MYO1H: variants seen among roughly 807,000 people sequenced by gnomAD.
The protein encoded by MYO1H is myosin IH.
Under a neutral mutation model 149.3 loss-of-function variants are expected in MYO1H, and 118 were observed. The observed-to-expected ratio is 0.79, with a 90% CI of 0.68 to 0.92. The LOEUF (loss-of-function observed/expected upper bound fraction) is 0.92. MYO1H is among the 40% of genes least tolerant of loss of function. The pLI, the probability that MYO1H is intolerant of heterozygous loss-of-function variation, is 0.00. For missense variants in MYO1H, 1,212 were observed against 1,280.7 expected, an observed-to-expected ratio of 0.95 and a Z score of 0.82; for synonymous variants, 447 against 465.2, an observed-to-expected ratio of 0.96 and a Z score of 0.50.
At chr12:109,344,679 A>G (rs1592774721), upstream of MYO1H, among the ~76,000 whole-genome samples, 1 of 152,202 alleles carries the variant, frequency 6.6e-6, no homozygotes, top group Non-Finnish European at 1.5e-5. Context: ...GGCCAAAACT[A>G]TCTTTAAAAA....
rs377712669 is a variant in MYO1H, at chr12:109,441,649, G to C, written c.2573G>C (p.Arg858Thr). ...AAGGTAGTTACAAGTGAAATCTTCA[G>C]GGGAAGGAAAGACGGCTACACAGAA... Residue 858 changes from arginine to threonine, a missense_variant, in exon 26 of 32, where the codon AGG (arginine) becomes ACG (threonine). Arg to Thr is a moderately conservative substitution (Grantham distance 71). Transcript: ENST00000310903. 91 of 1,613,092 alleles carry C rather than the reference G, an allele frequency of 5.6e-5. No homozygotes were observed. Among genetic ancestry groups the C allele is most frequent in the Non-Finnish European group, 7.3e-5 (86 of 1,179,580 alleles).
At chr12:109,312,762 T>C in the MYO1H span, among the ~76,000 whole-genome samples, 1 of 146,340 alleles carries the variant, frequency 6.8e-6, no homozygotes, top group Non-Finnish European at 1.5e-5. Flanking sequence ...ATACCAAGGT[T>C]TTTTTTGTTT....
chr12:109,433,230 C>T (rs540180022), intron 20 of MYO1H, among the ~76,000 whole-genome samples: 19 of 152,272 alleles, frequency 1.2e-4, no homozygotes, highest in South Asian at 2.1e-4. Flanking sequence ...AGGAAACTTC[C>T]GCACTAAACT....
At chr12:109,346,501 C>G (rs1232593898), upstream of MYO1H, among the ~76,000 whole-genome samples, 1 of 152,214 alleles carries the variant, frequency 6.6e-6, no homozygotes, top group African/African-American at 2.4e-5. Context: ...TGGCCCACAC[C>G]TGTAATTCCA....
intron 1 of MYO1H, among the ~76,000 whole-genome samples, chr12:109,382,258 A>G (rs570396408): frequency 6.6e-6 from 1 of 152,260 alleles, no homozygotes; most frequent in African/African-American, 2.4e-5. Flanking sequence ...CTCTAATTCA[A>G]ACAACCAGTT....
At chr12:109,416,376 T>G (rs1311221628) in intron 15 of MYO1H, among the ~76,000 whole-genome samples, 3 of 126,174 alleles carry the variant, frequency 2.4e-5, no homozygotes, top group Admixed American at 1.8e-4. Context: ...ACTGTTGTTG[T>G]TGGTTTTTTT....
chr12:109,417,026 C>T (rs1040727453), intron 15 of MYO1H, among the ~76,000 whole-genome samples: 8 of 151,232 alleles, frequency 5.3e-5, no homozygotes, highest in Admixed American at 2.0e-4. Context: ...AAAAAATTAG[C>T]CGGTCGTGGT....
intron 6 of MYO1H, 66 bp from the exon 7 acceptor site, chr12:109,403,916 A>T: frequency 9.4e-7 from 1 of 1,063,402 alleles, no homozygotes. Flanking sequence ...ATCTTCAGAG[A>T]GGAATAGACA....
the MYO1H span, among the ~76,000 whole-genome samples, chr12:109,341,655 A>G: frequency 6.6e-6 from 1 of 152,180 alleles, no homozygotes; most frequent in Non-Finnish European, 1.5e-5. Context: ...CCAGAAGCAG[A>G]GCATCCTCTG....
exon 5 of MYO1H, chr12:109,397,746 C>T: frequency 6.2e-7 from 1 of 1,611,308 alleles, no homozygotes. Context: ...TTGGAAATGC[C>T]AGAACGCTCC....
rs1238072439 is a variant in MYO1H at position 109,435,131 on chromosome 12, G to C, written c.2140+18G>C. On this transcript the variant is annotated intron_variant, in intron 21 of 31. Transcript: ENST00000310903. ...TCAACTAGGTATGATTTCTTTTTCT[G>C]TCCCGATTTCAATAGAATATGAAAT... 6.5e-7 allele frequency: 1 copy of C among 1,527,014 alleles called. No individual in the cohort carries two copies. Among genetic ancestry groups the C allele is most frequent in the Non-Finnish European group, 9.0e-7 (1 of 1,111,016 alleles). The allele number at this position is 1,527,014 out of a possible 1,614,324, so 94.6% of individuals were successfully genotyped here. A position where few individuals can be genotyped will look rare whatever the true frequency, so the allele number is the denominator to read the frequency against.
Position 109,443,720 on chromosome 12 carries a change from T to TGAAAG in MYO1H, c.2824+71_2824+72insGAAAG. 8 of 1,566,066 alleles carry TGAAAG rather than the reference T, an allele frequency of 5.1e-6. No individual in the cohort carries two copies. In the Middle Eastern group the frequency reaches 8.4e-4, roughly 165 times the overall value. ...CTACTGGAAAGCCCAGTAATGAAGC[T>TGAAAG]CCCAAATGGGAAACACAAGTGTAGG... is the stretch of plus-strand genomic sequence containing the variant. On this transcript the variant is annotated intron_variant, in intron 28 of 31. Transcript: ENST00000310903.
At chr12:109,428,000 C>T (rs1331826467) in intron 19 of MYO1H, among the ~76,000 whole-genome samples, 1 of 135,862 alleles carries the variant, frequency 7.4e-6, no homozygotes, top group East Asian at 2.2e-4. Context: ...GTGGGAGGAT[C>T]ACCTGAGCCT....
At chr12:109,312,790 GTTTTTTT>G in the MYO1H span, among the ~76,000 whole-genome samples, 1 of 145,594 alleles carries the variant, frequency 6.9e-6, no homozygotes, top group African/African-American at 2.5e-5. Context: ...GTTTTGTTTT[GTTTTTTT>G]TTTTTTTAAC....
At chr12:109,439,922 T>C in intron 24 of MYO1H, 132 bp downstream of exon 24, 3 of 785,552 alleles carry the variant, frequency 3.8e-6, no homozygotes, top group Non-Finnish European at 6.1e-6. Flanking sequence ...TTCCCAAGGA[T>C]GCTGCACAAG....
intron 1 of MYO1H, among the ~76,000 whole-genome samples, chr12:109,352,372 C>T (rs1195304631): frequency 6.6e-6 from 1 of 152,164 alleles, no homozygotes; most frequent in African/African-American, 2.4e-5. Flanking sequence ...TCACCTCCCA[C>T]TCTCCACCTC....
Position 109,347,992 on chromosome 12 carries a change from A to G in MYO1H, c.12+20A>G. 2.5e-6 allele frequency: 1 copy of G among 399,092 alleles called. No individual in the cohort carries two copies. The highest frequency in any genetic ancestry group is 4.4e-6 in the Non-Finnish European group (1 of 226,074). 24.7% of individuals were successfully genotyped at this position (399,092 alleles called of 1,614,324 possible). A position where few individuals can be genotyped will look rare whatever the true frequency, so the allele number is the denominator to read the frequency against. On this transcript the variant is annotated intron_variant, in intron 1 of 31. Transcript: ENST00000310903. ...TCCAAGGTAATGTGACTTGAACACTAGAAGGTGGTTACACCTGGTGACCTC... is the reference window on the plus strand; with the variant it reads ...TCCAAGGTAATGTGACTTGAACACTGGAAGGTGGTTACACCTGGTGACCTC...
chr12:109,372,251 T>G (rs1171218677), intron 1 of MYO1H, among the ~76,000 whole-genome samples: 1 of 152,124 alleles, frequency 6.6e-6, no homozygotes, highest in Non-Finnish European at 1.5e-5. Context: ...TTCCTTTCAT[T>G]ATTTTATTTT....
the MYO1H span, among the ~76,000 whole-genome samples, chr12:109,323,578 G>C: frequency 6.6e-6 from 1 of 152,212 alleles, no homozygotes; most frequent in Non-Finnish European, 1.5e-5. Flanking sequence ...TTAAGTCTGG[G>C]AGAGGATCTG....
Sources: gnomAD v4.1 joint callset for allele counts (sites outside exome capture counted in the v4.1 genomes callset) on GRCh38, gnomAD v4.1.1 for gene constraint, MANE v1.5 for transcripts, NCBI Gene and HGNC (gene_info 2026-07-23, HGNC 2026-07-21) for gene names.